Variants in RNF213 observed in about 807,000 individuals in gnomAD.
The protein encoded by RNF213 is ring finger protein 213.
In RNF213, 341 loss-of-function variants were observed where a neutral mutation model predicts 514.4. The observed-to-expected ratio is 0.66, with a 90% CI of 0.61 to 0.73. The LOEUF is 0.73. Ranked by LOEUF, RNF213 falls within the 30% of genes least tolerant of loss-of-function variation. The pLI is 0.00. For missense variants in RNF213, 5,767 were observed against 6,615.6 expected (o/e 0.87, Z 4.45); for synonymous variants, 2,655 against 2,658.2 (o/e 1.00, Z 0.04).
intron 3 of RNF213, among the ~76,000 whole-genome samples, chr17:80,284,306 A>G (rs1013397415): frequency 2.0e-5 from 3 of 151,624 alleles, no homozygotes; most frequent in Non-Finnish European, 2.9e-5. Flanking sequence ...GGAGGTTGCA[A>G]TGGGCTCAGA....
chr17:80,364,639 G>T, intron 42 of RNF213, 86 bp downstream of exon 42: 1 of 1,558,478 alleles, frequency 6.4e-7, no homozygotes, highest in South Asian at 1.1e-5. Flanking sequence ...CTGCGGCTGG[G>T]AGACGCTCTT....
chr17:80,351,957 C>G (rs574373417), intron 32 of RNF213, 154 bp downstream of exon 32: 4 of 526,116 alleles, frequency 7.6e-6, no homozygotes, highest in African/African-American at 3.9e-5. Context: ...TGGGTTCAAG[C>G]GATTCTCCTG....
rs1697386252 is a variant in RNF213, at chr17:80,398,788, A to C, written c.*5290A>C. 6.6e-6 allele frequency: 1 copy of C among 152,196 alleles called. No homozygotes were observed. Among genetic ancestry groups the C allele is most frequent in the African/African-American group, 2.4e-5 (1 of 41,444 alleles). The allele number at this position is 152,196 out of a possible 1,614,324, so 9.4% of individuals were successfully genotyped here. A position where few individuals can be genotyped will look rare whatever the true frequency, so the allele number is the denominator to read the frequency against. On this transcript the variant is annotated 3_prime_UTR_variant, in exon 68 of 68. Transcript: ENST00000582970. ...GACAGAAAATCAAGAGGAAAAAAAG[A>C]AAAAAAGAGATATATATACAAGTAG...
Position 80,325,108 on chromosome 17 carries a change from A to T in RNF213, c.3103A>T (p.Lys1035Ter). 6.5e-7 allele frequency: 1 copy of T among 1,537,154 alleles called. No homozygotes were observed. The highest frequency in any genetic ancestry group is 8.7e-7 in the Non-Finnish European group (1 of 1,146,878). ...CATCGTCTTGTCTGCTGTGATCACT[A>T]AGTCCTGGCCTAGGACCGCGGACAA... ...FGIVLSAVIT[K>*]SWPRTADNFD... Residue 1035 changes from lysine (K) to a stop codon, truncating the protein, a stop_gained, in exon 18 of 68, where the codon AAG becomes TAG. Coordinates refer to ENST00000582970, the MANE Select transcript of RNF213 (RefSeq NM_001256071.3). LOFTEE classifies it high-confidence loss of function.
rs761572358 is a variant in RNF213 at position 80,363,231 on chromosome 17, T to G, written c.11485T>G (p.Ser3829Ala). ...QRFRSRLQNFSRILTIYPQVL... is the reference protein window; with the variant it reads ...QRFRSRLQNFARILTIYPQVL... Reference sequence around the variant, plus strand: ...TTTCAGAAGCCGTCTGCAGAACTTTTCCAGAATCCTGACCATCTACCCTCA... The same window carrying G: ...TTTCAGAAGCCGTCTGCAGAACTTTGCCAGAATCCTGACCATCTACCCTCA... Residue 3829 changes from serine (S) to alanine (A), a missense_variant, in exon 40 of 68, where the codon TCC becomes GCC. This residue lies in a region of RNF213 where 355 missense variants were observed against 358.0 expected (regional missense o/e 0.99). Transcript: ENST00000582970. 2.5e-6 allele frequency: 4 copies of G among 1,614,164 alleles called. No homozygotes were observed. Among genetic ancestry groups the G allele is most frequent in the Non-Finnish European group, 3.4e-6 (4 of 1,180,022 alleles).
At chr17:80,379,353 A>G (rs2079892374) in intron 54 of RNF213, 3 of 481,218 alleles carry the variant, frequency 6.2e-6, no homozygotes, top group South Asian at 4.1e-5. Flanking sequence ...TGAATTTTAT[A>G]TATTTGTCTA....
rs1210035354 is a variant in RNF213, at chr17:80,377,712, G to A, written c.13511-50G>A. On this transcript the variant is annotated intron_variant, in intron 53 of 67. Coordinates refer to ENST00000582970, the MANE Select transcript of RNF213 (RefSeq NM_001256071.3). The surrounding 1 kb of genome is among the most constrained non-coding windows in gnomAD (Gnocchi z 4.1). Reference sequence around the variant, plus strand: ...AGTTAGCTTTCCCTTTTCAATGTGGGTCATTGGGTGAAACCTCATTAGCCA... The same window carrying A: ...AGTTAGCTTTCCCTTTTCAATGTGGATCATTGGGTGAAACCTCATTAGCCA... 6.2e-7 allele frequency: 1 copy of A among 1,605,306 alleles called. No individual in the cohort carries two copies. Among genetic ancestry groups the A allele is most frequent in the Non-Finnish European group, 8.5e-7 (1 of 1,171,926 alleles).
chr17:80,388,959 T>G (rs2080350223), intron 64 of RNF213: 1 of 624,510 alleles, frequency 1.6e-6, no homozygotes, highest in Non-Finnish European at 2.9e-6. Context: ...AACCGATTTG[T>G]TCCTGCTCTC....
intron 17 of RNF213, among the ~76,000 whole-genome samples, chr17:80,324,246 G>A (rs574034324): frequency 1.8e-4 from 28 of 152,264 alleles, no homozygotes; most frequent in South Asian, 4.1e-4. Flanking sequence ...CCCTTTATCA[G>A]TTTGTGGAAG....
chr17:80,371,745 C>T (rs1375594444), intron 46 of RNF213, 129 bp from the exon 47 acceptor site: 11 of 629,022 alleles, frequency 1.7e-5, no homozygotes, highest in South Asian at 7.4e-5. Context: ...TTAGAAACCA[C>T]GTATATGTAT....
intron 32 of RNF213, 117 bp from the exon 33 acceptor site, chr17:80,352,823 A>C (rs1599094848): frequency 6.7e-7 from 1 of 1,502,320 alleles, no homozygotes; most frequent in Non-Finnish European, 9.2e-7. Context: ...TCAGGGTGCC[A>C]GTCATTCATT....
In RNF213 at chr17:80,347,537, A is replaced by T; in HGVS notation, c.9202A>T (p.Ile3068Phe). Residue 3068 changes from isoleucine to phenylalanine, a missense_variant, in exon 29 of 68, where the codon ATT becomes TTT. By Grantham distance (21) the Ile-to-Phe change is conservative (BLOSUM62 0). This residue lies in a region of RNF213 where 919 missense variants were observed against 1,121.0 expected (regional missense o/e 0.82). Transcript: ENST00000582970. This position sits in a 1 kb window ranked among gnomAD's most constrained non-coding sequence, Gnocchi z 7.2. ...CTTCGAGGGGGACCAGCAGCCGGAG[A>T]TTATTTTTGGTTCTGGTTTCCCCAA... is the stretch of plus-strand genomic sequence containing the variant. ...TFFEGDQQPE[I>F]IFGSGFPKDQ... The T allele has an allele frequency of 6.2e-7, 1 of 1,614,100 alleles. No homozygotes were observed.
At chr17:80,387,867 A>G (rs889963886) in intron 63 of RNF213, among the ~76,000 whole-genome samples, 1 of 151,618 alleles carries the variant, frequency 6.6e-6, no homozygotes, top group African/African-American at 2.4e-5. Context: ...GACTGGACGC[A>G]CTTGTTCCTT....
chr17:80,290,609 C>A lies in RNF213; in HGVS notation c.1152C>A (p.His384Gln). 6.2e-7 allele frequency: 1 copy of A among 1,614,154 alleles called. No homozygotes were observed. Among genetic ancestry groups the A allele is most frequent in the Non-Finnish European group, 8.5e-7 (1 of 1,180,040 alleles). The change falls in exon 7 of 68, where the codon CAC (histidine) becomes CAA (glutamine). Residue 384 changes from histidine (H) to glutamine (Q), a missense_variant. Transcript: ENST00000582970. ...SPGGGVTVFFHAIISLHFPFN... is the reference protein window; with the variant it reads ...SPGGGVTVFFQAIISLHFPFN... ...GTGGAGGAGTCACCGTGTTCTTCCA[C>A]GCCATCATCTCTCTTCATTTCCCAT...
At chr17:80,382,799 A>C in intron 57 of RNF213, 180 bp from the exon 58 acceptor site, 1 of 581,336 alleles carries the variant, frequency 1.7e-6, no homozygotes, top group East Asian at 3.1e-5. Context: ...TGTTATCTTC[A>C]AAAGGTCATT....
chr17:80,366,490 T>C (rs2079279292), intron 42 of RNF213, among the ~76,000 whole-genome samples: 1 of 152,216 alleles, frequency 6.6e-6, no homozygotes, highest in African/African-American at 2.4e-5. Flanking sequence ...TGACTAGTTA[T>C]GATGAGCATC....
At chr17:80,313,256 A>G in intron 15 of RNF213, 89 bp downstream of exon 15, 8 of 1,546,932 alleles carry the variant, frequency 5.2e-6, no homozygotes, top group Middle Eastern at 1.7e-4. Flanking sequence ...GCTGCTGGCC[A>G]GGGGCAGTTG....
At chr17:80,292,484 A>G (rs1199524647) in intron 8 of RNF213, among the ~76,000 whole-genome samples, 1 of 152,210 alleles carries the variant, frequency 6.6e-6, no homozygotes, top group African/African-American at 2.4e-5. Context: ...TGCAGTGACC[A>G]GGAGGCCACT....
At chr17:80,357,424 T>C (rs985290227) in intron 36 of RNF213, among the ~76,000 whole-genome samples, 12 of 152,206 alleles carry the variant, frequency 7.9e-5, no homozygotes, top group Admixed American at 1.3e-4. Flanking sequence ...TCCACCTGTC[T>C]ATCAGACACT....
Sources: gnomAD v4.1 joint callset for allele counts (sites outside exome capture counted in the v4.1 genomes callset) on GRCh38, gnomAD v4.1.1 for gene constraint, gnomAD v4.1.1 regional missense constraint, Gnocchi (gnomAD v3.1) non-coding constraint, MANE v1.5 for transcripts, NCBI Gene and HGNC (gene_info 2026-07-23, HGNC 2026-07-21) for gene names.